The following RASGEF1C variants were observed in gnomAD, a reference collection of about 807,000 sequenced individuals.
RASGEF1C encodes ras-GEF domain-containing family member 1C.
In RASGEF1C, 27 loss-of-function variants were observed where a neutral mutation model predicts 58.1. The observed-to-expected ratio is 0.46, with a 90% CI of 0.34 to 0.64. The LOEUF is 0.64. RASGEF1C is among the 30% of genes least tolerant of loss of function. RASGEF1C has a pLI of 0.01. For missense variants in RASGEF1C, 502 were observed against 605.1 expected (o/e 0.83, Z 1.79); for synonymous variants, 243 against 246.3 (o/e 0.99, Z 0.13).
intron 1 of RASGEF1C, among the ~76,000 whole-genome samples, chr5:180,205,288 G>A (rs1159120382): frequency 1.3e-5 from 2 of 151,804 alleles, no homozygotes; most frequent in East Asian, 1.9e-4. Flanking sequence ...TAACATACAC[G>A]AAACAGTAGC....
chr5:180,194,475 G>A (rs1023790077), intron 1 of RASGEF1C, among the ~76,000 whole-genome samples: 6 of 152,248 alleles, frequency 3.9e-5, no homozygotes, highest in African/African-American at 1.4e-4. Flanking sequence ...GCAAACTGCA[G>A]AGGCCACGGG....
chr5:180,196,686 G>T (rs915970589), intron 1 of RASGEF1C, among the ~76,000 whole-genome samples: 1 of 152,122 alleles, frequency 6.6e-6, no homozygotes, highest in Non-Finnish European at 1.5e-5. Flanking sequence ...GCCACCTGGG[G>T]AGAACCTGCA....
chr5:180,194,163 G>A (rs944758437), intron 1 of RASGEF1C, among the ~76,000 whole-genome samples: 2 of 152,154 alleles, frequency 1.3e-5, no homozygotes, highest in South Asian at 2.1e-4. Flanking sequence ...TGTGTGAGCC[G>A]GACGGGGAGG....
chr5:180,172,182 C>T (rs1001957327), intron 1 of RASGEF1C, among the ~76,000 whole-genome samples: 9 of 152,218 alleles, frequency 5.9e-5, no homozygotes, highest in African/African-American at 2.2e-4. Flanking sequence ...GCCACCTTCC[C>T]TGTGATGAGA....
rs376754942 is a variant in RASGEF1C, at chr5:180,137,667, C to G, written c.223G>C (p.Glu75Gln). ...ACCCGGGCCAGGAGCTCCCGGGGCT[C>G]GATGAAGAGGCGAGAGCTCAGCAGG... ...TFLLSSRLFI[E>Q]PRELLARVCH... Residue 75 changes from glutamate to glutamine, a missense_variant, in exon 3 of 14, where the codon GAG becomes CAG. Physicochemically the swap from Glu to Gln is conservative, Grantham distance 29 (BLOSUM62 2). Coordinates refer to ENST00000361132, the MANE Select transcript of RASGEF1C (RefSeq NM_175062.4). This position sits in a 1 kb window ranked among gnomAD's most constrained non-coding sequence, Gnocchi z 4.1. 10 of 1,612,688 alleles carry G rather than the reference C, an allele frequency of 6.2e-6. No individual in the cohort carries two copies. The highest frequency in any genetic ancestry group is 7.6e-6 in the Non-Finnish European group (9 of 1,180,014).
intron 1 of RASGEF1C, among the ~76,000 whole-genome samples, chr5:180,200,272 A>G (rs1756361974): frequency 1.4e-5 from 2 of 138,640 alleles, no homozygotes; most frequent in South Asian, 4.7e-4. Flanking sequence ...AAATTGATGG[A>G]TTTATTTAAT....
At chr5:180,174,913 C>T (rs1390682239) in intron 1 of RASGEF1C, among the ~76,000 whole-genome samples, 1 of 152,196 alleles carries the variant, frequency 6.6e-6, no homozygotes, top group Non-Finnish European at 1.5e-5. Flanking sequence ...CGAGACTGTC[C>T]CACCCCTCTT....
At chr5:180,194,083 G>A (rs1471477643) in intron 1 of RASGEF1C, among the ~76,000 whole-genome samples, 2 of 152,050 alleles carry the variant, frequency 1.3e-5, no homozygotes, top group Non-Finnish European at 2.9e-5. Flanking sequence ...AGTCCACTGG[G>A]CCTGGATGCG....
At chr5:180,192,200 G>A (rs1398129559) in intron 1 of RASGEF1C, among the ~76,000 whole-genome samples, 19 of 152,200 alleles carry the variant, frequency 1.2e-4, no homozygotes, top group Non-Finnish European at 2.8e-4. Context: ...TATCCTTTCT[G>A]CCATATAAGA....
chr5:180,200,940 GA>G (rs1273903405), intron 1 of RASGEF1C, among the ~76,000 whole-genome samples: 2 of 152,108 alleles, frequency 1.3e-5, no homozygotes, highest in African/African-American at 4.8e-5. Flanking sequence ...ATGAAAAAAA[GA>G]AAGTCCTTTA....
At chr5:180,121,467 C>G (rs1766171343) in intron 6 of RASGEF1C, among the ~76,000 whole-genome samples, 2 of 152,108 alleles carry the variant, frequency 1.3e-5, no homozygotes, top group Admixed American at 6.5e-5. Flanking sequence ...GCGCCCGCCA[C>G]CACGCCCAGA....
At position 180,137,011 on chromosome 5, in the gene RASGEF1C, G is replaced by C. The variant is rs1251945996; in HGVS notation, c.301-496C>G. On this transcript the variant is annotated intron_variant, in intron 3 of 13. Coordinates refer to ENST00000361132, the MANE Select transcript of RASGEF1C (RefSeq NM_175062.4). This position sits in a 1 kb window ranked among gnomAD's most constrained non-coding sequence, Gnocchi z 4.1. Reference sequence around the variant, plus strand: ...AGCCTGGTGCGGTGGAGGCGGCCAAGCGCCACACCAGCCAGCCCGAGGGAG... The same window carrying C: ...AGCCTGGTGCGGTGGAGGCGGCCAACCGCCACACCAGCCAGCCCGAGGGAG... Among the ~76,000 whole-genome samples the C allele has an allele frequency of 2.0e-5, 3 of 152,180 alleles. No individual in the cohort carries two copies. The highest frequency in any genetic ancestry group is 7.2e-5 in the African/African-American group (3 of 41,448).
chr5:180,121,670 CA>C (rs1766178019), intron 6 of RASGEF1C, among the ~76,000 whole-genome samples: 3 of 89,768 alleles, frequency 3.3e-5, no homozygotes, highest in African/African-American at 7.0e-5. Context: ...CACACACACA[CA>C]CACACACACA....
Position 180,156,443 on chromosome 5 carries a change from C to T in RASGEF1C, c.-6-18385G>A, listed in dbSNP as rs1221254099. ...TGGCAGGGCCGAGGTGGGAACCAAG[C>T]GCTGGACCTCTGTGATAAAGAACTG... On this transcript the variant is annotated intron_variant, in intron 1 of 13. Transcript: ENST00000361132. This position sits in a 1 kb window ranked among gnomAD's most constrained non-coding sequence, Gnocchi z 4.9. Among the ~76,000 whole-genome samples the T allele has an allele frequency of 3.9e-5, 6 of 152,144 alleles. No homozygotes were observed. Among genetic ancestry groups the T allele is most frequent in the Non-Finnish European group, 5.9e-5 (4 of 68,040 alleles).
At chr5:180,121,003 C>T (rs556089475) in intron 7 of RASGEF1C, 57 bp downstream of exon 7, 1 of 1,340,204 alleles carries the variant, frequency 7.5e-7, no homozygotes, top group East Asian at 2.3e-5. Context: ...TGGGCTCCTC[C>T]CAACTCCGGC....
At chr5:180,130,468 C>T (rs1379389741) in intron 4 of RASGEF1C, among the ~76,000 whole-genome samples, 2 of 152,236 alleles carry the variant, frequency 1.3e-5, no homozygotes, top group Non-Finnish European at 2.9e-5. Flanking sequence ...CCACGGACCT[C>T]CTGTCTCTCT....
At position 180,127,672 on chromosome 5, in the gene RASGEF1C, C is replaced by T. The variant is rs751646241; in HGVS notation, c.651G>A (p.Arg217=). The change falls in exon 6 of 14, where the codon CGG becomes CGA. Residue 217 remains arginine, a synonymous_variant. Transcript: ENST00000361132. ...QLTHVELERL[R]HIGPEEFVQA... The stretch of plus-strand genomic sequence containing the variant: ...GGACAAACTCCTCAGGCCCGATGTG[C>T]CGCAGCCGCTCCTGCAGGGAAGGGT... 2 of 1,612,860 alleles carry T rather than the reference C, an allele frequency of 1.2e-6. No homozygotes were observed. Among genetic ancestry groups the T allele is most frequent in the South Asian group, 1.1e-5 (1 of 90,972 alleles).
intron 1 of RASGEF1C, among the ~76,000 whole-genome samples, chr5:180,171,302 G>A (rs1368651951): frequency 6.6e-6 from 1 of 151,940 alleles, no homozygotes; most frequent in Non-Finnish European, 1.5e-5. Context: ...AGGGAGGGCA[G>A]GTCCTAAACT....
At chr5:180,187,857 A>G (rs1194443937) in intron 1 of RASGEF1C, among the ~76,000 whole-genome samples, 1 of 152,230 alleles carries the variant, frequency 6.6e-6, no homozygotes, top group African/African-American at 2.4e-5. Flanking sequence ...ATAAGTGTTG[A>G]CAAGGATGTG....
Sources: allele counts gnomAD v4.1 joint callset (sites outside exome capture counted in the v4.1 genomes callset), GRCh38; gene constraint gnomAD v4.1.1; non-coding constraint Gnocchi (gnomAD v3.1); transcripts MANE v1.5; gene names NCBI Gene and HGNC (gene_info 2026-07-23, HGNC 2026-07-21).